Variants in HAPLN1 observed in about 807,000 individuals in gnomAD.
The protein encoded by HAPLN1 is Cartilage link protein.
Under a neutral mutation model 36.5 loss-of-function variants are expected in HAPLN1, and 13 were observed. The observed-to-expected ratio is 0.36, with a 90% CI of 0.23 to 0.57. HAPLN1 has a LOEUF of 0.57. HAPLN1 is among the 20% of genes least tolerant of loss of function. The pLI is 0.83. For missense variants in HAPLN1, 407 were observed against 439.7 expected (o/e 0.93, Z 0.66); for synonymous variants, 202 against 169.8 (o/e 1.19, Z -1.48).
intron 1 of HAPLN1, among the ~76,000 whole-genome samples, chr5:83,716,536 C>T (rs1242230268): frequency 6.6e-6 from 1 of 152,144 alleles, no homozygotes; most frequent in Non-Finnish European, 1.5e-5. Flanking sequence ...CTCTGAGACA[C>T]ATAGCTAAAA....
At chr5:83,642,384 T>A (rs911568023) in intron 4 of HAPLN1, among the ~76,000 whole-genome samples, 7 of 152,226 alleles carry the variant, frequency 4.6e-5, no homozygotes, top group African/African-American at 1.7e-4. Flanking sequence ...TCTGTGTTGG[T>A]TCACTAGCAA....
At chr5:83,712,812 G>C (rs1310123814) in intron 1 of HAPLN1, among the ~76,000 whole-genome samples, 1 of 148,444 alleles carries the variant, frequency 6.7e-6, no homozygotes, top group Non-Finnish European at 1.5e-5. Context: ...AATACTTAAA[G>C]TTATTGAATG....
At chr5:83,661,001 C>T (rs1283543380) in intron 2 of HAPLN1, among the ~76,000 whole-genome samples, 1 of 152,148 alleles carries the variant, frequency 6.6e-6, no homozygotes, top group East Asian at 1.9e-4. Flanking sequence ...ATCTTCTACA[C>T]TGTCTTCTTT....
At chr5:83,667,337 C>T (rs930992280) in intron 2 of HAPLN1, among the ~76,000 whole-genome samples, 2 of 152,018 alleles carry the variant, frequency 1.3e-5, no homozygotes, top group African/African-American at 2.4e-5. Flanking sequence ...GTTTCATGCC[C>T]TCTTGTAAAT....
At chr5:83,684,028 C>A (rs920306496) in intron 1 of HAPLN1, among the ~76,000 whole-genome samples, 1 of 152,010 alleles carries the variant, frequency 6.6e-6, no homozygotes, top group Non-Finnish European at 1.5e-5. Flanking sequence ...AAGATAGCAA[C>A]TGAAAAGAGG....
chr5:83,654,290 C>A (rs891216443), intron 2 of HAPLN1, among the ~76,000 whole-genome samples: 2 of 152,104 alleles, frequency 1.3e-5, no homozygotes, highest in Non-Finnish European at 2.9e-5. Context: ...TAATGAAATG[C>A]GAGGATAATG....
chr5:83,673,605 T>A, intron 1 of HAPLN1, 56 bp from the exon 2 acceptor site: 1 of 936,922 alleles, frequency 1.1e-6, no homozygotes, highest in Non-Finnish European at 1.7e-6. Flanking sequence ...TTTGGAGTGT[T>A]GCACTGCACA....
chr5:83,683,618 A>G (rs1751053630), intron 1 of HAPLN1, among the ~76,000 whole-genome samples: 1 of 152,176 alleles, frequency 6.6e-6, no homozygotes, highest in East Asian at 1.9e-4. Flanking sequence ...ATACATTTAG[A>G]TCTGGATGAT....
intron 2 of HAPLN1, among the ~76,000 whole-genome samples, chr5:83,661,435 C>CTTTTTTTTTTTTTTTTTTTTTTTTT (rs56005008): frequency 1.6e-5 from 1 of 62,956 alleles, no homozygotes; most frequent in Admixed American, 2.4e-4. Flanking sequence ...AGAAAAGCTT[C>CTTTTTTTTTTTTTTTTTTTTTTTTT]TTTTTTTTTT....
Position 83,717,167 on chromosome 5 carries a change from A to G in HAPLN1, c.-27+3622T>C, listed in dbSNP as rs1387958989. Among the ~76,000 whole-genome samples, 8 of 152,356 alleles carry G rather than the reference A, an allele frequency of 5.3e-5. No individual in the cohort carries two copies. The East Asian group carries it at 1.2e-3, about 22-fold the overall frequency. The stretch of plus-strand genomic sequence containing the variant: ...CATTCTAAATCACAAGGATGATCCA[A>G]TGAAATTATTAACAGAATGTGTTTT... On this transcript the variant is annotated intron_variant, in intron 1 of 4. Coordinates refer to ENST00000274341, the MANE Select transcript of HAPLN1 (RefSeq NM_001884.4).
At chr5:83,666,060 A>G (rs1750541716) in intron 2 of HAPLN1, among the ~76,000 whole-genome samples, 1 of 152,202 alleles carries the variant, frequency 6.6e-6, no homozygotes, top group Non-Finnish European at 1.5e-5. Flanking sequence ...AAATAAGAAT[A>G]TTGCTTTAAA....
chr5:83,641,533 T>C lies in HAPLN1; in HGVS notation c.1028A>G (p.Lys343Arg). Residue 343 changes from lysine to arginine, a missense_variant, in exon 5 of 5, where the codon AAG (lysine) becomes AGG (arginine). Coordinates refer to ENST00000274341, the MANE Select transcript of HAPLN1 (RefSeq NM_001884.4). ...RFVGFPDKKH[K>R]LYGVYCFRAY... ...TCTGAAGCAGTAGACACCATACAGC[T>C]TATGCTTTTTATCTGGGAAACCCAC... 1 of 1,613,866 alleles carries C rather than the reference T, an allele frequency of 6.2e-7. No homozygotes were observed. The highest frequency in any genetic ancestry group is 8.5e-7 in the Non-Finnish European group (1 of 1,179,820).
chr5:83,664,892 C>G (rs779887004), intron 2 of HAPLN1, among the ~76,000 whole-genome samples: 1 of 151,962 alleles, frequency 6.6e-6, no homozygotes, highest in African/African-American at 2.4e-5. Context: ...TCTGTTTATA[C>G]GGAAACATTT....
intron 1 of HAPLN1, among the ~76,000 whole-genome samples, chr5:83,675,062 T>C (rs1049967077): frequency 6.6e-6 from 1 of 152,238 alleles, no homozygotes; most frequent in South Asian, 2.1e-4. Context: ...TTTCAGAAGT[T>C]CACTTCCTTG....
chr5:83,644,134 G>A (rs1749783105), intron 4 of HAPLN1, among the ~76,000 whole-genome samples: 1 of 152,164 alleles, frequency 6.6e-6, no homozygotes, highest in Admixed American at 6.5e-5. Context: ...ATAAAAATGG[G>A]ATGAAATAAA....
intron 4 of HAPLN1, 58 bp from the exon 5 acceptor site, chr5:83,641,843 T>A: frequency 6.6e-7 from 1 of 1,526,274 alleles, no homozygotes; most frequent in South Asian, 1.2e-5. Context: ...CACACAGAGA[T>A]AGAAAGAGCC....
Position 83,719,272 on chromosome 5 carries a change from AGGCATTCCTGTCGAGAATACTG to A in HAPLN1, c.-27+1495_-27+1516del, listed in dbSNP as rs560035763. On this transcript the variant is annotated intron_variant, in intron 1 of 4. Coordinates refer to ENST00000274341, the MANE Select transcript of HAPLN1 (RefSeq NM_001884.4). ...TTCTCATAGAAAGCCCAGGCCCATAAGGCATTCCTGTCGAGAATACTGGCCTCTGGGTACATTCCTCCTGTAG... is the reference window on the plus strand; with the variant it reads ...TTCTCATAGAAAGCCCAGGCCCATAAGCCTCTGGGTACATTCCTCCTGTAG... Among the ~76,000 whole-genome samples, 4 of 152,352 alleles carry A rather than the reference AGGCATTCCTGTCGAGAATACTG, an allele frequency of 2.6e-5. No individual in the cohort carries two copies. The South Asian group carries it at 8.3e-4, about 32-fold the overall frequency.
intron 1 of HAPLN1, among the ~76,000 whole-genome samples, chr5:83,703,098 T>C (rs1751548415): frequency 6.6e-6 from 1 of 152,204 alleles, no homozygotes; most frequent in African/African-American, 2.4e-5. Context: ...GCTTCCTGAA[T>C]CTGTGACTTG....
chr5:83,695,964 T>C (rs1370628088), intron 1 of HAPLN1, among the ~76,000 whole-genome samples: 1 of 151,898 alleles, frequency 6.6e-6, no homozygotes, highest in East Asian at 1.9e-4. Flanking sequence ...TCAAACAGAT[T>C]GGAAAGGAAG....
Sources: gnomAD v4.1 joint callset for allele counts (sites outside exome capture counted in the v4.1 genomes callset) on GRCh38, gnomAD v4.1.1 for gene constraint, MANE v1.5 for transcripts, NCBI Gene and HGNC (gene_info 2026-07-23, HGNC 2026-07-21) for gene names.